STPG3: variants seen among roughly 807,000 people sequenced by gnomAD.
STPG3 encodes the protein protein STPG3.
STPG3 carries 39 observed loss-of-function variants against 32.5 expected under a neutral mutation model. The observed-to-expected ratio is 1.20, with a 90% CI of 0.93 to 1.57. STPG3 has a LOEUF of 1.57. Ranked by LOEUF, STPG3 falls within the 40% of genes most tolerant of loss-of-function variation. The probability of loss-of-function intolerance (pLI) is 0.00; values close to 1 mark genes in which losing one functional copy is unlikely to be tolerated. For synonymous variants in STPG3, 209 were observed against 172.4 expected, an observed-to-expected ratio of 1.21 and a Z score of -1.66; for missense variants, 507 against 407.6, an observed-to-expected ratio of 1.24 and a Z score of -2.10.
At chr9:137,251,667 G>A in intron 1 of STPG3, 71 bp from the exon 2 acceptor site, 4 of 1,510,100 alleles carry the variant, frequency 2.6e-6, no homozygotes, top group Non-Finnish European at 3.6e-6. Flanking sequence ...GACAATAGAG[G>A]GGACAGGCTG....
intron 4 of STPG3, 29 bp downstream of exon 4, chr9:137,252,554 G>C: frequency 1.6e-6 from 2 of 1,217,772 alleles, no homozygotes; most frequent in Non-Finnish European, 2.3e-6. Context: ...AGGGGGCGGG[G>C]AGTCCACGCA....
Position 137,251,405 on chromosome 9 carries a change from C to A in STPG3, c.110+9C>A. 3 of 1,568,862 alleles carry A rather than the reference C, an allele frequency of 1.9e-6. No individual in the cohort carries two copies. The highest frequency in any genetic ancestry group is 2.6e-6 in the Non-Finnish European group (3 of 1,150,284). ...CAACCAGAGCCCACCCAGTAACTGGCGGAGAGGGGGAGAAGGGGCGGGCCA... is the reference window on the plus strand; with the variant it reads ...CAACCAGAGCCCACCCAGTAACTGGAGGAGAGGGGGAGAAGGGGCGGGCCA... On this transcript the variant is annotated intron_variant, in intron 1 of 5. Coordinates refer to ENST00000412566, the MANE Select transcript of STPG3 (RefSeq NM_001004353.4).
At position 137,252,897 on chromosome 9, in the gene STPG3, T is replaced by A; in HGVS notation, c.728T>A (p.Leu243Gln). The change falls in exon 5 of 6, where the codon CTG becomes CAG. Residue 243 changes from leucine (L) to glutamine (Q), a missense_variant. Physicochemically the swap from Leu to Gln is moderately radical, Grantham distance 113 (BLOSUM62 -2). Coordinates refer to ENST00000412566, the MANE Select transcript of STPG3 (RefSeq NM_001004353.4). ...NTYNILPGSRLQSPRSPAFSM... is the reference protein window; with the variant it reads ...NTYNILPGSRQQSPRSPAFSM... ...TACAATATCCTTCCTGGGAGCCGCC[T>A]GCAGAGCCCCCGCTCGCCGGCCTTC... 1 of 1,597,388 alleles carries A rather than the reference T, an allele frequency of 6.3e-7. No individual in the cohort carries two copies. The highest frequency in any genetic ancestry group is 8.5e-7 in the Non-Finnish European group (1 of 1,172,842).
chr9:137,251,554 G>A (rs1837317455), intron 1 of STPG3, among the ~76,000 whole-genome samples, 158 bp downstream of exon 1: 1 of 151,708 alleles, frequency 6.6e-6, no homozygotes, highest in Non-Finnish European at 1.5e-5. Flanking sequence ...GCCAGGGGCT[G>A]AGGGACAGTA....
At position 137,252,720 on chromosome 9, in the gene STPG3, T is replaced by TC. The variant is rs767066398; in HGVS notation, c.552dup (p.Arg185GlnfsTer11). ...CGGCCCGCCTTCCCCGCCTTCAGCT[T>TC]CAGAGGCTGCCACTCCGCTTCCAAG... is the stretch of plus-strand genomic sequence containing the variant. On this transcript the variant is annotated frameshift_variant, in exon 5 of 6. Transcript: ENST00000412566. LOFTEE classifies it high-confidence loss of function. 1.4e-5 allele frequency: 22 copies of TC among 1,553,892 alleles called. 2 individuals carry two copies. The South Asian group carries it at 2.5e-4, about 18-fold the overall frequency.
chr9:137,251,585 G>T (rs1038290624), intron 1 of STPG3, among the ~76,000 whole-genome samples, 153 bp from the exon 2 acceptor site: 13 of 150,674 alleles, frequency 8.6e-5, no homozygotes, highest in African/African-American at 2.9e-4. Flanking sequence ...GCGGCTGGGA[G>T]CGGCCAGGGG....
chr9:137,251,417 G>A, intron 1 of STPG3, 21 bp downstream of exon 1: 2 of 1,569,882 alleles, frequency 1.3e-6, no homozygotes, highest in Non-Finnish European at 1.7e-6. Flanking sequence ...GAGAGGGGGA[G>A]AAGGGGCGGG....
Position 137,252,436 on chromosome 9 carries a change from G to A in STPG3, c.404-1G>A, listed in dbSNP as rs1344162041. On this transcript the variant is annotated splice_acceptor_variant, in intron 3 of 5. Transcript: ENST00000412566. LOFTEE classifies it high-confidence loss of function. Reference sequence around the variant, plus strand: ...TCTCTCTCTCCATCCTCCAACTACAGAGGGCGGTGGCCGCAGGGCATGGCA... The same window carrying A: ...TCTCTCTCTCCATCCTCCAACTACAAAGGGCGGTGGCCGCAGGGCATGGCA... 1 of 1,609,840 alleles carries A rather than the reference G, an allele frequency of 6.2e-7. No individual in the cohort carries two copies. Among genetic ancestry groups the A allele is most frequent in the Non-Finnish European group, 8.5e-7 (1 of 1,178,368 alleles).
intron 1 of STPG3, 139 bp from the exon 2 acceptor site, chr9:137,251,599 A>AG (rs1837320596): frequency 8.8e-7 from 1 of 1,137,580 alleles, no homozygotes; most frequent in East Asian, 2.6e-5. Context: ...CCAGGGGCTG[A>AG]GGGACAGTGT....
At position 137,251,940 on chromosome 9, in the gene STPG3, G is replaced by A. The variant is rs748363166; in HGVS notation, c.268+45G>A. 26 of 1,596,332 alleles carry A rather than the reference G, an allele frequency of 1.6e-5. No individual in the cohort carries two copies. The African/African-American group carries it at 3.4e-4, about 21-fold the overall frequency. ...ACCCCACCCCCAAGCTGGTCTTTGG[G>A]GGGCTGTGGGAGGGGCCCGCTGAAA... On this transcript the variant is annotated intron_variant, in intron 2 of 5. Coordinates refer to ENST00000412566, the MANE Select transcript of STPG3 (RefSeq NM_001004353.4).
At position 137,253,132 on chromosome 9, in the gene STPG3, G is replaced by A; in HGVS notation, c.814G>A (p.Ala272Thr). The A allele has an allele frequency of 6.3e-7, 1 of 1,577,954 alleles. No individual in the cohort carries two copies. Among genetic ancestry groups the A allele is most frequent in the Non-Finnish European group, 8.6e-7 (1 of 1,158,638 alleles). The change falls in exon 6 of 6, where the codon GCC becomes ACC. Residue 272 changes from alanine (A) to threonine (T), a missense_variant. Coordinates refer to ENST00000412566, the MANE Select transcript of STPG3 (RefSeq NM_001004353.4). ...TTCGGCAGCCCGAACCCCTGGCCCAGCCGCCTACCACGTGGAGGACTGCAA... is the reference window on the plus strand; with the variant it reads ...TTCGGCAGCCCGAACCCCTGGCCCAACCGCCTACCACGTGGAGGACTGCAA... ...WLSTSRTPGP[A>T]AYHVEDCNSR... is the part of the protein sequence containing the mutation.
chr9:137,251,883 C>G lies in STPG3; in HGVS notation c.256C>G (p.Leu86Val), dbSNP rs771269236. 1 of 1,608,102 alleles carries G rather than the reference C, an allele frequency of 6.2e-7. No individual in the cohort carries two copies. Among genetic ancestry groups the G allele is most frequent in the South Asian group, 1.1e-5 (1 of 90,072 alleles). The change falls in exon 2 of 6, where the codon CTG (leucine) becomes GTG (valine). Residue 86 changes from leucine to valine, a missense_variant. By Grantham distance (32) the Leu-to-Val change is conservative (BLOSUM62 1). Transcript: ENST00000412566. ...GTCCCTGCCCACCTACACCCAGACC[C>G]TGAGGGAACTATGTGAGTGAGGGTC... Reference protein sequence around the residue: ...QESLPTYTQTLRELLLEQRPL... With the variant: ...QESLPTYTQTVRELLLEQRPL...
rs1034550953 is a variant in STPG3, at chr9:137,252,840, C to G, written c.671C>G (p.Ala224Gly). ...TCCCTGCTTCAGGCCTCTTTGCAGG[C>G]ACCTGGCAAGAGATGCCCTGGCCCC... ...PQSLLQASLQAPGKRCPGPNT... is the reference protein window; with the variant it reads ...PQSLLQASLQGPGKRCPGPNT... Residue 224 changes from alanine to glycine, a missense_variant, in exon 5 of 6, where the codon GCA becomes GGA. Transcript: ENST00000412566. The G allele has an allele frequency of 6.4e-7, 1 of 1,573,550 alleles. No individual in the cohort carries two copies. Among genetic ancestry groups the G allele is most frequent in the Non-Finnish European group, 8.6e-7 (1 of 1,160,104 alleles).
chr9:137,252,759 A>G lies in STPG3; in HGVS notation c.590A>G (p.His197Arg), dbSNP rs986186128. 3 of 1,560,670 alleles carry G rather than the reference A, an allele frequency of 1.9e-6. No homozygotes were observed. In the Admixed American group the frequency reaches 5.7e-5, roughly 30 times the overall value. ...CHSASKTPEG[H>R]THLGLPGARG... is the part of the protein sequence containing the mutation. Reference sequence around the variant, plus strand: ...TCCGCTTCCAAGACACCTGAAGGCCACACCCACCTAGGGCTGCCTGGGGCT... The same window carrying G: ...TCCGCTTCCAAGACACCTGAAGGCCGCACCCACCTAGGGCTGCCTGGGGCT... Residue 197 changes from histidine to arginine, a missense_variant, in exon 5 of 6, where the codon CAC (histidine) becomes CGC (arginine). Transcript: ENST00000412566.
chr9:137,252,936 C>G lies in STPG3; in HGVS notation c.767C>G (p.Ser256Cys). The G allele has an allele frequency of 6.2e-7, 1 of 1,600,240 alleles. No individual in the cohort carries two copies. Among genetic ancestry groups the G allele is most frequent in the Non-Finnish European group, 8.5e-7 (1 of 1,174,012 alleles). ...PRSPAFSMSR[S>C]PAFTSWLSTS... ...TCGCCGGCCTTCTCGATGAGCCGCTCCCCTGCGTTCACCTCCTGGCTCAGC... is the reference window on the plus strand; with the variant it reads ...TCGCCGGCCTTCTCGATGAGCCGCTGCCCTGCGTTCACCTCCTGGCTCAGC... The change falls in exon 5 of 6, where the codon TCC becomes TGC. Residue 256 changes from serine (S) to cysteine (C), a missense_variant. Coordinates refer to ENST00000412566, the MANE Select transcript of STPG3 (RefSeq NM_001004353.4).
At position 137,251,858 on chromosome 9, in the gene STPG3, G is replaced by A. The variant is rs1489724979; in HGVS notation, c.231G>A (p.Glu77=). 5.6e-6 allele frequency: 9 copies of A among 1,608,632 alleles called. No individual in the cohort carries two copies. The highest frequency in any genetic ancestry group is 7.6e-6 in the Non-Finnish European group (9 of 1,177,596). The change falls in exon 2 of 6, where the codon GAG becomes GAA. Residue 77 remains glutamate, a synonymous_variant. Coordinates refer to ENST00000412566, the MANE Select transcript of STPG3 (RefSeq NM_001004353.4). ...GGTTACAGACGGGCACCCCCCAGGA[G>A]TCCCTGCCCACCTACACCCAGACCC... ...GLRLQTGTPQ[E]SLPTYTQTLR...
At chr9:137,252,222 C>A in intron 3 of STPG3, 87 bp downstream of exon 3, 2 of 1,516,316 alleles carry the variant, frequency 1.3e-6, no homozygotes, top group Non-Finnish European at 1.8e-6. Flanking sequence ...GAAACCCCCA[C>A]GGCCTGAGGG....
In STPG3 at chr9:137,251,630, G is replaced by A. The variant is rs1024571507; in HGVS notation, c.111-108G>A. On this transcript the variant is annotated intron_variant, in intron 1 of 5. Coordinates refer to ENST00000412566, the MANE Select transcript of STPG3 (RefSeq NM_001004353.4). ...AGTGTGGGGACAGGCTGTGGGGCAC[G>A]TGGCTGGGAGCAGCCGGGGGCTGAG... The A allele has an allele frequency of 3.0e-5, 41 of 1,375,212 alleles. No individual in the cohort carries two copies. In the Admixed American group the frequency reaches 6.8e-4, roughly 23 times the overall value. 85.2% of individuals were successfully genotyped at this position (1,375,212 alleles called of 1,614,324 possible).
At chr9:137,251,452 G>C (rs1837308569) in intron 1 of STPG3, 56 bp downstream of exon 1, 1 of 1,362,736 alleles carries the variant, frequency 7.3e-7, no homozygotes, top group Non-Finnish European at 1.0e-6. Flanking sequence ...CCAGGGGGCT[G>C]AGGGACAGTG....
Sources: allele counts gnomAD v4.1 joint callset (sites outside exome capture counted in the v4.1 genomes callset), GRCh38; gene constraint gnomAD v4.1.1; transcripts MANE v1.5; gene names NCBI Gene and HGNC (gene_info 2026-07-23, HGNC 2026-07-21).